KATNAL1: variants seen among roughly 807,000 people sequenced by gnomAD.
KATNAL1 encodes katanin p60 ATPase-containing subunit A-like 1.
In KATNAL1, 32 loss-of-function variants were observed where a neutral mutation model predicts 55.2. The observed-to-expected ratio is 0.58, with a 90% CI of 0.44 to 0.78. KATNAL1 has a LOEUF of 0.78. Ranked by LOEUF, KATNAL1 falls within the 30% of genes least tolerant of loss-of-function variation. The pLI is 0.00. For synonymous variants in KATNAL1, 193 were observed against 193.6 expected, an observed-to-expected ratio of 1.00 and a Z score of 0.02; for missense variants, 466 against 600.9, an observed-to-expected ratio of 0.78 and a Z score of 2.35.
intron 3 of KATNAL1, among the ~76,000 whole-genome samples, chr13:30,279,246 C>T (rs1008695036): frequency 2.6e-5 from 4 of 152,134 alleles, no homozygotes; most frequent in African/African-American, 7.2e-5. Flanking sequence ...ATGCCTACTA[C>T]GTGCCAAACC....
intron 9 of KATNAL1, among the ~76,000 whole-genome samples, chr13:30,222,087 G>A (rs2137371028): frequency 6.6e-6 from 1 of 152,222 alleles, no homozygotes; most frequent in Middle Eastern, 3.4e-3. Context: ...TATTCTGAAT[G>A]TGTCTGTGAA....
intron 9 of KATNAL1, among the ~76,000 whole-genome samples, chr13:30,214,525 C>T (rs1356341016): frequency 1.3e-5 from 2 of 152,156 alleles, no homozygotes; most frequent in African/African-American, 4.8e-5. Context: ...TCAAACTATA[C>T]TACAAGGCTA....
intron 6 of KATNAL1, among the ~76,000 whole-genome samples, chr13:30,238,801 C>A (rs1876954506): frequency 6.6e-6 from 1 of 152,118 alleles, no homozygotes; most frequent in Admixed American, 6.5e-5. Context: ...AAACAAGGAA[C>A]CCTGTTTATA....
intron 9 of KATNAL1, among the ~76,000 whole-genome samples, chr13:30,214,128 T>G (rs1026107539): frequency 6.6e-6 from 1 of 151,882 alleles, no homozygotes; most frequent in Non-Finnish European, 1.5e-5. Flanking sequence ...TATACACCAA[T>G]AACAGACAAA....
intron 4 of KATNAL1, among the ~76,000 whole-genome samples, chr13:30,247,264 A>G (rs977584335): frequency 6.6e-6 from 1 of 152,218 alleles, no homozygotes; most frequent in African/African-American, 2.4e-5. Flanking sequence ...TCTAAATTGC[A>G]TCCCACTCTT....
chr13:30,300,513 T>C (rs1205040019), intron 1 of KATNAL1, among the ~76,000 whole-genome samples: 2 of 151,638 alleles, frequency 1.3e-5, no homozygotes, highest in African/African-American at 4.9e-5. Flanking sequence ...AGGCTTTACA[T>C]GCTTAATGAA....
chr13:30,259,614 C>T (rs76143054), intron 3 of KATNAL1, among the ~76,000 whole-genome samples: 16 of 152,264 alleles, frequency 1.1e-4, no homozygotes, highest in Admixed American at 2.0e-4. Context: ...GGGTGACAGA[C>T]GGCACCTGGA....
intron 1 of KATNAL1, chr13:30,296,383 T>C (rs1327900311): frequency 9.1e-7 from 1 of 1,101,028 alleles, no homozygotes; most frequent in Non-Finnish European, 1.4e-6. Flanking sequence ...TGGTGGACTC[T>C]CAGTTCACCC....
At chr13:30,252,718 T>A (rs1054234393) in intron 4 of KATNAL1, among the ~76,000 whole-genome samples, 2 of 151,860 alleles carry the variant, frequency 1.3e-5, no homozygotes, top group African/African-American at 4.8e-5. Flanking sequence ...TCTCTGAGGG[T>A]ACTTCCAAAC....
chr13:30,224,163 A>G (rs1419292868), intron 9 of KATNAL1, among the ~76,000 whole-genome samples: 3 of 152,186 alleles, frequency 2.0e-5, no homozygotes, highest in African/African-American at 7.2e-5. Context: ...TTAATAGTAG[A>G]AAAAATATGA....
intron 9 of KATNAL1, among the ~76,000 whole-genome samples, chr13:30,223,090 G>A (rs940987445): frequency 2.3e-4 from 34 of 147,270 alleles, no homozygotes; most frequent in Admixed American, 1.8e-3. Context: ...GTGAGGCTCC[G>A]ACTTAAACAA....
intron 3 of KATNAL1, among the ~76,000 whole-genome samples, chr13:30,278,979 A>T (rs964092485): frequency 2.0e-5 from 3 of 152,260 alleles, no homozygotes; most frequent in Non-Finnish European, 2.9e-5. Flanking sequence ...ATTATCTGTA[A>T]TTCAGTGGAA....
intron 2 of KATNAL1, among the ~76,000 whole-genome samples, chr13:30,280,780 G>A (rs1881221593): frequency 6.6e-6 from 1 of 151,918 alleles, no homozygotes; most frequent in Non-Finnish European, 1.5e-5. Flanking sequence ...AAATTATTTT[G>A]AGTTCTGAGT....
At chr13:30,210,525 GA>G in intron 9 of KATNAL1, 83 bp from the exon 10 acceptor site, 3 of 1,257,708 alleles carry the variant, frequency 2.4e-6, no homozygotes, top group East Asian at 2.5e-5. Flanking sequence ...ACATTTGGGG[GA>G]AAAATGAGGC....
At chr13:30,235,581 C>A (rs989810710) in intron 6 of KATNAL1, among the ~76,000 whole-genome samples, 1 of 152,234 alleles carries the variant, frequency 6.6e-6, no homozygotes, top group Non-Finnish European at 1.5e-5. Context: ...AGTACTATCA[C>A]ATGTCCATGT....
chr13:30,253,965 C>T (rs1323861001), intron 4 of KATNAL1, among the ~76,000 whole-genome samples: 3 of 152,132 alleles, frequency 2.0e-5, no homozygotes, highest in South Asian at 2.1e-4. Context: ...TCTGTAAAGT[C>T]GGGATAGTAA....
intron 9 of KATNAL1, among the ~76,000 whole-genome samples, chr13:30,225,707 C>A (rs192548398): frequency 6.7e-6 from 1 of 149,828 alleles, no homozygotes; most frequent in African/African-American, 2.5e-5. Flanking sequence ...AGAGGAATCA[C>A]AGATATAAAT....
At chr13:30,249,216 G>A (rs2137445929) in intron 4 of KATNAL1, among the ~76,000 whole-genome samples, 1 of 151,504 alleles carries the variant, frequency 6.6e-6, no homozygotes, top group Non-Finnish European at 1.5e-5. Flanking sequence ...TAGGCGACAA[G>A]AGCGAAATTC....
At chr13:30,282,500 T>C (rs748356259) in intron 2 of KATNAL1, among the ~76,000 whole-genome samples, 89 of 152,068 alleles carry the variant, frequency 5.9e-4, no homozygotes, top group Non-Finnish European at 1.0e-3. Context: ...TTGCTGGACA[T>C]GGTGGTGTGA....
Sources: gnomAD v4.1 joint callset for allele counts (sites outside exome capture counted in the v4.1 genomes callset) on GRCh38, gnomAD v4.1.1 for gene constraint, MANE v1.5 for transcripts, NCBI Gene and HGNC (gene_info 2026-07-23, HGNC 2026-07-21) for gene names.